The following ABR variants were observed in gnomAD, a reference collection of about 807,000 sequenced individuals.
ABR encodes the protein ABR activator of RhoGEF and GTPase.
ABR carries 35 observed loss-of-function variants against 107.2 expected under a neutral mutation model. The observed-to-expected ratio is 0.33, with a 90% CI of 0.25 to 0.43. The LOEUF is 0.43. Ranked by LOEUF, ABR falls within the 20% of genes least tolerant of loss-of-function variation. ABR has a pLI of 1.00. For synonymous variants in ABR, 498 were observed against 462.0 expected (o/e 1.08, Z -1.00); for missense variants, 815 against 1,115.2 (o/e 0.73, Z 3.83).
intron 16 of ABR, among the ~76,000 whole-genome samples, chr17:1,040,329 G>C (rs2030160262): frequency 6.6e-6 from 1 of 152,200 alleles, no homozygotes; most frequent in South Asian, 2.1e-4. Context: ...TTCTCTGCAA[G>C]CTTCCTCGTG....
intron 3 of ABR, among the ~76,000 whole-genome samples, chr17:1,095,341 G>C (rs1329389385): frequency 6.6e-6 from 1 of 152,204 alleles, no homozygotes; most frequent in Non-Finnish European, 1.5e-5. Flanking sequence ...GGCATCAGAT[G>C]GTTCTCATGA....
At chr17:1,076,720 G>C (rs989958731) in intron 6 of ABR, among the ~76,000 whole-genome samples, 2 of 112,412 alleles carry the variant, frequency 1.8e-5, no homozygotes, top group East Asian at 2.9e-4. Context: ...TGCACGGGGG[G>C]GGTGGGGGTG....
intron 2 of ABR, among the ~76,000 whole-genome samples, chr17:1,123,621 C>A (rs1029565030): frequency 6.6e-6 from 1 of 152,206 alleles, no homozygotes; most frequent in East Asian, 1.9e-4. Context: ...GCGGCAAAGA[C>A]CCTGGCCCCA....
chr17:1,050,616 T>G lies in ABR; in HGVS notation c.1580A>C (p.Glu527Ala). The G allele has an allele frequency of 6.2e-7, 1 of 1,613,740 alleles. No homozygotes were observed. Among genetic ancestry groups the G allele is most frequent in the Non-Finnish European group, 8.5e-7 (1 of 1,179,926 alleles). ...GACAAAATAGCCGAAGGAATCCACC[T>G]CCAGGGTACAGTACAGGTCTGTGGG... Reference protein sequence around the residue: ...KQSANLYCTLEVDSFGYFVSK... With the variant: ...KQSANLYCTLAVDSFGYFVSK... Residue 527 changes from glutamate (E) to alanine (A), a missense_variant, in exon 15 of 23, where the codon GAG becomes GCG. Physicochemically the swap from Glu to Ala is moderately radical, Grantham distance 107. Coordinates refer to ENST00000302538, the MANE Select transcript of ABR (RefSeq NM_021962.5). The surrounding 1 kb of genome is among the most constrained non-coding windows in gnomAD (Gnocchi z 4.6).
chr17:1,102,753 AG>A (rs1466429209), intron 2 of ABR, among the ~76,000 whole-genome samples: 3 of 152,152 alleles, frequency 2.0e-5, no homozygotes, highest in Non-Finnish European at 4.4e-5. Context: ...TCTGTCGCCC[AG>A]GGCTGGAGTG....
At position 1,220,389 on chromosome 17, in the gene ABR, A is replaced by G. The variant is rs537190745; in HGVS notation, c.838+8404T>C. 1.8e-4 allele frequency among the ~76,000 whole-genome samples: 27 copies of G among 152,308 alleles called. No homozygotes were observed. In the South Asian group the frequency reaches 5.4e-3, roughly 30 times the overall value. ...CCTCAGACAGTGTTATCTCAGGCCGACTGTAGCGAGCGTCGAATGGGAAGA... is the reference window on the plus strand; with the variant it reads ...CCTCAGACAGTGTTATCTCAGGCCGGCTGTAGCGAGCGTCGAATGGGAAGA... On this transcript the variant is annotated intron_variant, in intron 1 of 22. Coordinates refer to the ABR transcript ENST00000574139.
intron 1 of ABR, among the ~76,000 whole-genome samples, chr17:1,178,506 A>G (rs536570355): frequency 5.9e-5 from 9 of 151,506 alleles, no homozygotes; most frequent in Non-Finnish European, 1.2e-4. Flanking sequence ...AGAGGTTGCA[A>G]TGAGCGGAGA....
intron 1 of ABR, among the ~76,000 whole-genome samples, chr17:1,152,124 CT>C (rs2151533957): frequency 6.6e-6 from 1 of 152,264 alleles, no homozygotes; most frequent in East Asian, 1.9e-4. Flanking sequence ...CCCGTCTCTA[CT>C]AAAAATACAA....
rs866166556 is a variant in ABR, at chr17:1,011,021, G to A, written c.2102-158C>T. 3.3e-5 allele frequency: 31 copies of A among 928,652 alleles called. No homozygotes were observed. Among genetic ancestry groups the A allele is most frequent in the East Asian group, 1.8e-4 (7 of 38,574 alleles). 57.5% of individuals were successfully genotyped at this position (928,652 alleles called of 1,614,324 possible). A position where few individuals can be genotyped will look rare whatever the true frequency, so the allele number is the denominator to read the frequency against. On this transcript the variant is annotated intron_variant, in intron 19 of 22. Transcript: ENST00000302538. The surrounding 1 kb of genome is among the most constrained non-coding windows in gnomAD (Gnocchi z 4.8). ...GAGGGCCCACAGGTGTCTGTGACTC[G>A]GCTCTGTGGGTCGGGGTTGGGGGAA...
In ABR at chr17:1,091,798, A is replaced by G; in HGVS notation, c.398T>C (p.Ile133Thr). The G allele has an allele frequency of 6.2e-7, 1 of 1,614,072 alleles. No homozygotes were observed. Among genetic ancestry groups the G allele is most frequent in the Middle Eastern group, 1.6e-4 (1 of 6,062 alleles). Residue 133 changes from isoleucine (I) to threonine (T), a missense_variant, in exon 4 of 23, where the codon ATC (isoleucine) becomes ACC (threonine). Physicochemically the swap from Ile to Thr is moderately conservative, Grantham distance 89. This residue lies in a region of ABR where 385 missense variants were observed against 596.9 expected (regional missense o/e 0.64). Coordinates refer to ENST00000302538, the MANE Select transcript of ABR (RefSeq NM_021962.5). The stretch of plus-strand genomic sequence containing the variant: ...GTAGAAGATGGTCTCGATCTGCTGG[A>G]TGGTGAGCACGGGCTGGGAGGTGGT... ...TATTSQPVLT[I>T]QQIETIFYKI...
Position 1,225,749 on chromosome 17 carries a change from G to A in ABR, c.838+3044C>T, listed in dbSNP as rs539755883. On this transcript the variant is annotated intron_variant, in intron 1 of 22. Coordinates refer to the ABR transcript ENST00000574139. ...GGGTGCTTCCTACGTGCCAGGACCC[G>A]TCCAAAACGCTTTAGAAATATGACC... is the stretch of plus-strand genomic sequence containing the variant. Among the ~76,000 whole-genome samples, 12 of 152,224 alleles carry A rather than the reference G, an allele frequency of 7.9e-5. No individual in the cohort carries two copies. In the South Asian group the frequency reaches 8.3e-4, roughly 11 times the overall value.
rs1285869595 is a variant in ABR, at chr17:1,071,167, A to G, written c.895-1077T>C. On this transcript the variant is annotated intron_variant, in intron 8 of 22. Transcript: ENST00000302538. This position sits in a 1 kb window ranked among gnomAD's most constrained non-coding sequence, Gnocchi z 5.1. ...CGATGGAATGAGATTCAGTCTCAAA[A>G]AAAGGATGACTGAAAACGGAGGGTA... 6.6e-6 allele frequency among the ~76,000 whole-genome samples: 1 copy of G among 152,178 alleles called. No individual in the cohort carries two copies. The highest frequency in any genetic ancestry group is 1.5e-5 in the Non-Finnish European group (1 of 68,028).
In ABR at chr17:1,091,761, G is replaced by A. The variant is rs764346535; in HGVS notation, c.435C>T (p.Asp145=). 1.2e-5 allele frequency: 19 copies of A among 1,614,084 alleles called. No individual in the cohort carries two copies. Among genetic ancestry groups the A allele is most frequent in the Non-Finnish European group, 1.5e-5 (18 of 1,180,032 alleles). Residue 145 remains aspartate, a synonymous_variant, in exon 4 of 23, where the codon GAC becomes GAT. Coordinates refer to ENST00000302538, the MANE Select transcript of ABR (RefSeq NM_021962.5). ...QIETIFYKIQ[D]IYEIHKEFYD... The stretch of plus-strand genomic sequence containing the variant: ...AGAACTCCTTGTGGATCTCATAGAT[G>A]TCCTGGATCTTGTAGAAGATGGTCT...
chr17:1,055,572 G>C (rs1054989135), intron 14 of ABR: 3 of 152,890 alleles, frequency 2.0e-5, no homozygotes, highest in East Asian at 1.9e-4. Context: ...CTGTCGCCCA[G>C]GGTGGAGTGC....
In ABR at chr17:1,070,949, G is replaced by A. The variant is rs2035190580; in HGVS notation, c.895-859C>T. 6.6e-6 allele frequency among the ~76,000 whole-genome samples: 1 copy of A among 152,162 alleles called. No homozygotes were observed. ...AGGCTGAGGCGGGTGGATCACCTGA[G>A]GTCAGGAGTTTGAGACCAGCCTGGC... On this transcript the variant is annotated intron_variant, in intron 8 of 22. Transcript: ENST00000302538. This position sits in a 1 kb window ranked among gnomAD's most constrained non-coding sequence, Gnocchi z 4.2.
intron 16 of ABR, among the ~76,000 whole-genome samples, chr17:1,016,661 G>A (rs569809673): frequency 6.6e-6 from 1 of 152,134 alleles, no homozygotes; most frequent in East Asian, 1.9e-4. Context: ...CACCCAGGAG[G>A]TCTGCGCACC....
At chr17:1,158,707 G>A (rs1313138751) in intron 1 of ABR, among the ~76,000 whole-genome samples, 2 of 151,880 alleles carry the variant, frequency 1.3e-5, no homozygotes, top group Non-Finnish European at 2.9e-5. Flanking sequence ...AAGTTGCAAT[G>A]AGCCAAGACC....
chr17:1,058,697 C>A, intron 11 of ABR, 48 bp downstream of exon 11: 2 of 1,604,288 alleles, frequency 1.2e-6, no homozygotes, highest in Non-Finnish European at 1.7e-6. Flanking sequence ...GTGGGCTGCT[C>A]TGGACTAAGG....
At chr17:1,129,677 G>A (rs1338081071) in intron 1 of ABR, among the ~76,000 whole-genome samples, 2 of 151,548 alleles carry the variant, frequency 1.3e-5, no homozygotes, top group East Asian at 2.0e-4. Flanking sequence ...GGCTGAACGC[G>A]GTGGCTCACA....
Sources: gnomAD v4.1 joint callset for allele counts (sites outside exome capture counted in the v4.1 genomes callset) on GRCh38, gnomAD v4.1.1 for gene constraint, gnomAD v4.1.1 regional missense constraint, Gnocchi (gnomAD v3.1) non-coding constraint, MANE v1.5 for transcripts, NCBI Gene and HGNC (gene_info 2026-07-23, HGNC 2026-07-21) for gene names.